Variants in MAPK10 observed in about 807,000 individuals in gnomAD.
MAPK10 encodes JNK3 alpha protein kinase.
In MAPK10, 25 loss-of-function variants were observed where a neutral mutation model predicts 59.3. The ratio of observed to expected loss-of-function variants is 0.42; its 90% CI spans 0.31 to 0.59. MAPK10 has a LOEUF of 0.59. Among genes scored for constraint, MAPK10 ranks in the 20% least tolerant of loss-of-function variants. The pLI, the probability that MAPK10 is intolerant of heterozygous loss-of-function variation, is 0.15. For synonymous variants in MAPK10, 190 were observed against 200.5 expected, an observed-to-expected ratio of 0.95 and a Z score of 0.44; for missense variants, 351 against 568.9, an observed-to-expected ratio of 0.62 and a Z score of 3.90.
chr4:86,207,688 GTTCTTCCATTT>G (rs2084500085), intron 2 of MAPK10, among the ~76,000 whole-genome samples: 1 of 152,098 alleles, frequency 6.6e-6, no homozygotes, highest in African/African-American at 2.4e-5. Context: ...AGCATGGAAT[GTTCTTCCATTT>G]GTTTGTATCC....
At chr4:86,458,874 C>G (rs544742154) in intron 1 of MAPK10, among the ~76,000 whole-genome samples, 1 of 152,092 alleles carries the variant, frequency 6.6e-6, no homozygotes, top group African/African-American at 2.4e-5. Context: ...TTCATGACCA[C>G]GAACCCAGAA....
intron 1 of MAPK10, chr4:86,593,738 T>G (rs1314289078): frequency 6.6e-6 from 1 of 152,176 alleles, no homozygotes; most frequent in African/African-American, 2.4e-5. Context: ...CTCACCGGGC[T>G]TTTTTCGTTG....
chr4:86,366,552 G>T (rs1737930287), intron 1 of MAPK10, among the ~76,000 whole-genome samples: 1 of 152,082 alleles, frequency 6.6e-6, no homozygotes, highest in Admixed American at 6.6e-5. Flanking sequence ...CACAGCAATA[G>T]GAAAGGCCAG....
chr4:86,220,798 C>T (rs2089310898), intron 2 of MAPK10, among the ~76,000 whole-genome samples: 1 of 149,902 alleles, frequency 6.7e-6, no homozygotes, highest in Admixed American at 6.6e-5. Context: ...AGGCAAAGGG[C>T]AAAAGTCTCT....
chr4:86,356,558 G>T (rs1440333562), intron 1 of MAPK10: 4 of 551,674 alleles, frequency 7.3e-6, no homozygotes, highest in African/African-American at 2.0e-5. Flanking sequence ...CAAAACACAG[G>T]TTTTGTATTT....
chr4:86,561,011 C>A (rs1303922655), intron 1 of MAPK10, among the ~76,000 whole-genome samples: 3 of 152,218 alleles, frequency 2.0e-5, no homozygotes, highest in Non-Finnish European at 2.9e-5. Flanking sequence ...CACCAGGGAC[C>A]AGTTTTGTGG....
chr4:86,197,925 C>T lies in MAPK10; in HGVS notation c.-6-3518G>A, dbSNP rs140461897. Among the ~76,000 whole-genome samples the T allele has an allele frequency of 2.3e-3, 351 of 152,184 alleles. 1 individual carries two copies. Among genetic ancestry groups the T allele is most frequent in the Middle Eastern group, 0.01 (3 of 294 alleles). On this transcript the variant is annotated intron_variant, in intron 2 of 13. Coordinates refer to ENST00000641462, the MANE Select transcript of MAPK10 (RefSeq NM_138982.4). ...TGATAGACTATGAATTAATAGAATA[C>T]AGAGCCCAGAACAGACACAGACATA...
chr4:86,522,545 G>A (rs777358790), intron 1 of MAPK10, among the ~76,000 whole-genome samples: 13 of 151,882 alleles, frequency 8.6e-5, no homozygotes, highest in Non-Finnish European at 1.6e-4. Context: ...ACCAGAAGAT[G>A]GAGCTCCAAA....
chr4:86,432,043 G>A (rs980024092), intron 1 of MAPK10, among the ~76,000 whole-genome samples: 12 of 152,112 alleles, frequency 7.9e-5, no homozygotes, highest in African/African-American at 2.7e-4. Context: ...TCAGGCAGTG[G>A]GTTGATGTCA....
intron 2 of MAPK10, among the ~76,000 whole-genome samples, chr4:86,243,824 C>T (rs185595484): frequency 6.4e-5 from 9 of 141,044 alleles, no homozygotes; most frequent in African/African-American, 2.3e-4. Flanking sequence ...GTACACTTAA[C>T]TTTATTTGTT....
chr4:86,278,543 T>TA (rs549384765), intron 2 of MAPK10, among the ~76,000 whole-genome samples: 248 of 151,940 alleles, frequency 1.6e-3, no homozygotes, highest in Middle Eastern at 0.01. Flanking sequence ...AACCCGCTAG[T>TA]AAAAAAAATG....
chr4:86,318,314 G>A (rs528076467), intron 2 of MAPK10, among the ~76,000 whole-genome samples: 96 of 152,078 alleles, frequency 6.3e-4, no homozygotes, highest in East Asian at 2.7e-3. Flanking sequence ...GTGAGTTTTC[G>A]TTGCCTACAT....
intron 2 of MAPK10, among the ~76,000 whole-genome samples, chr4:86,243,824 CTTTA>C (rs1279896769): frequency 4.3e-5 from 6 of 140,918 alleles, no homozygotes; most frequent in East Asian, 4.7e-4. Flanking sequence ...GTACACTTAA[CTTTA>C]TTTGTTTGTT....
intron 1 of MAPK10, among the ~76,000 whole-genome samples, chr4:86,544,797 C>CA (rs1759011359): frequency 6.6e-6 from 1 of 151,926 alleles, no homozygotes; most frequent in South Asian, 2.1e-4. Flanking sequence ...CTGTGGTGAA[C>CA]AAAAGGCTTT....
Position 86,143,452 on chromosome 4 carries a change from T to TTTCTGTGAATCAGAA in MAPK10, c.236+15845_236+15846insTTCTGATTCACAGAA, listed in dbSNP as rs1336459757. On this transcript the variant is annotated intron_variant, in intron 4 of 13. Transcript: ENST00000641462. The stretch of plus-strand genomic sequence containing the variant: ...GAACAACACTGTCAGGATTCCTGTG[T>TTTCTGTGAATCAGAA]TTCTGTGAAACAGAATTGTCCTATT... Among the ~76,000 whole-genome samples the TTTCTGTGAATCAGAA allele has an allele frequency of 1.5e-4, 23 of 152,326 alleles. No individual in the cohort carries two copies. The South Asian group carries it at 4.8e-3, about 32-fold the overall frequency.
rs1003816885 is a variant in MAPK10 at position 86,501,584 on chromosome 4, A to T, written c.-263+92326T>A. Among the ~76,000 whole-genome samples the T allele has an allele frequency of 2.0e-5, 3 of 152,010 alleles. No individual in the cohort carries two copies. In the South Asian group the frequency reaches 6.2e-4, roughly 31 times the overall value. Reference sequence around the variant, plus strand: ...TTATAATTAGTTGGGTTAAACCCATAATATCCATCTATAACTTATCCAGGG... The same window carrying T: ...TTATAATTAGTTGGGTTAAACCCATTATATCCATCTATAACTTATCCAGGG... On this transcript the variant is annotated intron_variant, in intron 1 of 4. Transcript: ENST00000502302.
At chr4:86,148,364 C>A (rs2065515562) in intron 4 of MAPK10, among the ~76,000 whole-genome samples, 1 of 152,108 alleles carries the variant, frequency 6.6e-6, no homozygotes, top group Non-Finnish European at 1.5e-5. Flanking sequence ...CATATAAATA[C>A]CCGAAGCATA....
intron 4 of MAPK10, among the ~76,000 whole-genome samples, chr4:86,146,097 A>C (rs1395952067): frequency 6.6e-6 from 1 of 152,218 alleles, no homozygotes; most frequent in Admixed American, 6.5e-5. Flanking sequence ...TTTACTGGTA[A>C]TTTAGCAAGA....
chr4:86,259,483 C>G (rs767217862), intron 2 of MAPK10, among the ~76,000 whole-genome samples: 1 of 152,036 alleles, frequency 6.6e-6, no homozygotes, highest in Non-Finnish European at 1.5e-5. Flanking sequence ...TTTTACCAAA[C>G]AGCTCTGTAT....
Sources: gnomAD v4.1 joint callset for allele counts (sites outside exome capture counted in the v4.1 genomes callset) on GRCh38, gnomAD v4.1.1 for gene constraint, MANE v1.5 for transcripts, NCBI Gene and HGNC (gene_info 2026-07-23, HGNC 2026-07-21) for gene names.